Variants in RFX8 observed in about 807,000 individuals in gnomAD.
The protein encoded by RFX8 is regulatory factor X8.
RFX8 carries 46 observed loss-of-function variants against 54.6 expected under a neutral mutation model. The ratio of observed to expected loss-of-function variants is 0.84; its 90% CI spans 0.67 to 1.08. RFX8 has a LOEUF of 1.08. RFX8 is among the 50% of genes least tolerant of loss of function. The pLI, the probability that RFX8 is intolerant of heterozygous loss-of-function variation, is 0.00. For missense variants in RFX8, 536 were observed against 562.3 expected (o/e 0.95, Z 0.47); for synonymous variants, 192 against 209.5 (o/e 0.92, Z 0.72).
chr2:101,406,180 GA>G (rs1685725679), intron 9 of RFX8, 123 bp from the exon 10 acceptor site: 1 of 576,962 alleles, frequency 1.7e-6, no homozygotes, highest in East Asian at 3.0e-5. Context: ...AGAGGAAGAT[GA>G]AATAACAAAA....
At chr2:101,431,469 C>T (rs1180071616) in intron 2 of RFX8, among the ~76,000 whole-genome samples, 1 of 152,092 alleles carries the variant, frequency 6.6e-6, no homozygotes, top group Non-Finnish European at 1.5e-5. Context: ...GATCAGTTTA[C>T]CCTGATCTGG....
At chr2:101,421,313 AC>A (rs1686849371) in intron 4 of RFX8, 1 of 988,930 alleles carries the variant, frequency 1.0e-6, no homozygotes, top group South Asian at 4.7e-5. Context: ...TCGTGACAAT[AC>A]CCATGCCAGA....
intron 1 of RFX8, 169 bp downstream of exon 1, chr2:101,474,467 G>A (rs1187286507): frequency 1.1e-5 from 4 of 353,682 alleles, no homozygotes; most frequent in Non-Finnish European, 2.0e-5. Context: ...GGCGCGCGGC[G>A]AGTACGGGAG....
intron 1 of RFX8, among the ~76,000 whole-genome samples, chr2:101,467,787 T>C (rs1165172809): frequency 6.6e-6 from 1 of 151,848 alleles, no homozygotes; most frequent in East Asian, 1.9e-4. Context: ...AGGTGAGTGG[T>C]GAAGGTGGCC....
chr2:101,410,750 T>C (rs997813126), intron 8 of RFX8, 37 bp from the exon 9 acceptor site: 4 of 1,069,872 alleles, frequency 3.7e-6, no homozygotes, highest in Non-Finnish European at 4.2e-6. Context: ...AAAGATTGCA[T>C]GCAGCAGAGC....
intron 8 of RFX8, among the ~76,000 whole-genome samples, chr2:101,411,437 G>A (rs186507824): frequency 2.6e-4 from 39 of 152,296 alleles, no homozygotes; most frequent in Middle Eastern, 6.8e-3. Context: ...GACTCACAAA[G>A]ATGCCAGTAG....
At chr2:101,450,216 T>TTTA (rs1229439754) in intron 2 of RFX8, among the ~76,000 whole-genome samples, 5 of 152,066 alleles carry the variant, frequency 3.3e-5, no homozygotes, top group African/African-American at 1.2e-4. Context: ...TATTTATTAA[T>TTTA]TTATTATTAT....
chr2:101,435,120 A>G (rs1687704538), intron 2 of RFX8: 2 of 152,360 alleles, frequency 1.3e-5, no homozygotes, highest in Non-Finnish European at 2.9e-5. Flanking sequence ...CGCCGTCTGC[A>G]CAGCCGCTGT....
intron 2 of RFX8, among the ~76,000 whole-genome samples, chr2:101,440,610 G>A (rs1688046412): frequency 6.6e-6 from 1 of 152,132 alleles, no homozygotes; most frequent in Admixed American, 6.6e-5. Context: ...CCTCACAAGG[G>A]TTCCACCAGA....
intron 2 of RFX8, among the ~76,000 whole-genome samples, chr2:101,427,404 C>T (rs1266292018): frequency 6.6e-6 from 1 of 152,114 alleles, no homozygotes; most frequent in Non-Finnish European, 1.5e-5. Context: ...ATCCGGCCTG[C>T]CTTTGCTGGC....
At chr2:101,431,592 A>T (rs1362917317) in intron 2 of RFX8, among the ~76,000 whole-genome samples, 1 of 152,242 alleles carries the variant, frequency 6.6e-6, no homozygotes, top group Admixed American at 6.5e-5. Flanking sequence ...TTTCAAAGCT[A>T]GAATGTCTGG....
At chr2:101,402,370 A>G (rs2104514075) in intron 11 of RFX8, 66 bp downstream of exon 11, 2 of 1,262,482 alleles carry the variant, frequency 1.6e-6, no homozygotes, top group East Asian at 2.6e-5. Context: ...TGAGGGTTTT[A>G]CTAATCACCT....
chr2:101,445,549 C>A (rs768202598), intron 2 of RFX8, among the ~76,000 whole-genome samples: 4 of 151,488 alleles, frequency 2.6e-5, no homozygotes, highest in Non-Finnish European at 2.9e-5. Context: ...CACCACCATG[C>A]CCAGCTAATA....
intron 7 of RFX8, among the ~76,000 whole-genome samples, chr2:101,413,539 C>G (rs1686289665): frequency 6.6e-6 from 1 of 152,180 alleles, no homozygotes; most frequent in South Asian, 2.1e-4. Context: ...TGGGGACTAT[C>G]TAGTCCCCAA....
chr2:101,441,781 T>C (rs543131498), intron 2 of RFX8, among the ~76,000 whole-genome samples: 1 of 152,210 alleles, frequency 6.6e-6, no homozygotes, highest in Non-Finnish European at 1.5e-5. Flanking sequence ...AACCTGCCTA[T>C]GTCACTGAAT....
chr2:101,411,897 T>A (rs1399878987), intron 8 of RFX8, among the ~76,000 whole-genome samples: 1 of 152,194 alleles, frequency 6.6e-6, no homozygotes, highest in African/African-American at 2.4e-5. Flanking sequence ...TGGGCTAATT[T>A]ACAGGTGGTG....
intron 1 of RFX8, among the ~76,000 whole-genome samples, chr2:101,469,805 G>A (rs1362130472): frequency 6.6e-6 from 1 of 152,018 alleles, no homozygotes; most frequent in Admixed American, 6.6e-5. Flanking sequence ...GAATAGGAAG[G>A]CCAAATAATA....
intron 1 of RFX8, among the ~76,000 whole-genome samples, chr2:101,468,837 T>C (rs1355650063): frequency 6.6e-6 from 1 of 151,142 alleles, no homozygotes; most frequent in African/African-American, 2.4e-5. Context: ...ACACTTCAGA[T>C]ACTTCACAAT....
intron 11 of RFX8, among the ~76,000 whole-genome samples, chr2:101,401,050 G>A (rs1685412560): frequency 6.6e-6 from 1 of 152,300 alleles, no homozygotes; most frequent in African/African-American, 2.4e-5. Flanking sequence ...TCAGTGTTTC[G>A]CTGCTGCATC....
Sources: allele counts gnomAD v4.1 joint callset (sites outside exome capture counted in the v4.1 genomes callset), GRCh38; gene constraint gnomAD v4.1.1; transcripts MANE v1.5; gene names NCBI Gene and HGNC (gene_info 2026-07-23, HGNC 2026-07-21).